The following FNDC3B variants were observed in gnomAD, a reference collection of about 807,000 sequenced individuals.
FNDC3B encodes fibronectin type III domain-containing protein 3B.
FNDC3B carries 12 observed loss-of-function variants against 151.5 expected under a neutral mutation model. The observed-to-expected ratio is 0.08, with a 90% confidence interval of 0.05 to 0.13. The LOEUF (loss-of-function observed/expected upper bound fraction) is 0.13, where lower values mean the gene tolerates loss of function less well. FNDC3B is among the 10% of genes least tolerant of loss of function. The pLI is 1.00. For synonymous variants in FNDC3B, 528 were observed against 549.0 expected (o/e 0.96, Z 0.54); for missense variants, 1,214 against 1,505.3 (o/e 0.81, Z 3.20).
chr3:172,084,898 C>G (rs373980568), intron 1 of FNDC3B, among the ~76,000 whole-genome samples: 1 of 152,146 alleles, frequency 6.6e-6, no homozygotes, highest in East Asian at 1.9e-4. Context: ...TTTCCCCTTA[C>G]GAGAATGTAA....
intron 3 of FNDC3B, among the ~76,000 whole-genome samples, chr3:172,215,306 C>A (rs1464312459): frequency 6.6e-6 from 1 of 152,194 alleles, no homozygotes; most frequent in Non-Finnish European, 1.5e-5. Flanking sequence ...TGTGGCCAGG[C>A]AAATGGGATG....
intron 6 of FNDC3B, among the ~76,000 whole-genome samples, chr3:172,266,341 CT>C (rs923070600): frequency 6.6e-6 from 1 of 152,012 alleles, no homozygotes; most frequent in African/African-American, 2.4e-5. Flanking sequence ...GCTGGTGCTT[CT>C]TTTTTTTCCC....
At chr3:172,382,796 C>T (rs995302279) in intron 25 of FNDC3B, among the ~76,000 whole-genome samples, 1 of 152,128 alleles carries the variant, frequency 6.6e-6, no homozygotes, top group African/African-American at 2.4e-5. Context: ...GGTGGTATTT[C>T]TGAGCCCTCT....
At chr3:172,348,619 G>A (rs1267176399) in intron 21 of FNDC3B, among the ~76,000 whole-genome samples, 1 of 152,086 alleles carries the variant, frequency 6.6e-6, no homozygotes, top group Non-Finnish European at 1.5e-5. Context: ...TTTGAGTTTT[G>A]GTGTTTCTTT....
intron 2 of FNDC3B, among the ~76,000 whole-genome samples, chr3:172,115,243 A>G (rs1255643821): frequency 6.6e-6 from 1 of 152,164 alleles, no homozygotes; most frequent in African/African-American, 2.4e-5. Context: ...TGCGTGGTAG[A>G]GGCTTGGGGC....
Position 172,397,561 on chromosome 3 carries a change from GT to G in FNDC3B, c.*92del. 1.2e-6 allele frequency: 1 copy of G among 867,268 alleles called. No individual in the cohort carries two copies. The highest frequency in any genetic ancestry group is 1.7e-6 in the Non-Finnish European group (1 of 590,232). 53.7% of individuals were successfully genotyped at this position (867,268 alleles called of 1,614,324 possible). A position where few individuals can be genotyped will look rare whatever the true frequency, so the allele number is the denominator to read the frequency against. On this transcript the variant is annotated 3_prime_UTR_variant, in exon 26 of 26. Transcript: ENST00000415807. ...ATACTCCCCTTTTTAAAGCCCTTTT[GT>G]TTTTTGATTTATATACTCTGTTTTA...
At chr3:172,140,879 C>CG (rs1721593296) in intron 3 of FNDC3B, among the ~76,000 whole-genome samples, 1 of 152,154 alleles carries the variant, frequency 6.6e-6, no homozygotes, top group Admixed American at 6.5e-5. Context: ...TACATAAGAA[C>CG]GGAATGTTAA....
At chr3:172,116,875 C>T (rs991444187) in intron 2 of FNDC3B, among the ~76,000 whole-genome samples, 2 of 152,166 alleles carry the variant, frequency 1.3e-5, no homozygotes, top group African/African-American at 4.8e-5. Context: ...TCACTCAACA[C>T]ATTTCTAAGG....
At chr3:172,111,411 A>G (rs1449984908) in intron 1 of FNDC3B, among the ~76,000 whole-genome samples, 10 of 152,202 alleles carry the variant, frequency 6.6e-5, no homozygotes, top group Non-Finnish European at 4.4e-5. Flanking sequence ...GCATGATGGT[A>G]CTATTAACAC....
chr3:172,051,710 G>C (rs977217372), intron 1 of FNDC3B, among the ~76,000 whole-genome samples: 2 of 152,068 alleles, frequency 1.3e-5, no homozygotes, highest in African/African-American at 4.8e-5. Flanking sequence ...TGTTTCCATG[G>C]TGTTCTTCAG....
At chr3:172,284,271 C>T (rs1191654611) in intron 6 of FNDC3B, among the ~76,000 whole-genome samples, 2 of 151,974 alleles carry the variant, frequency 1.3e-5, no homozygotes, top group East Asian at 1.9e-4. Context: ...AGTTTTAATG[C>T]GTTATGAAAA....
chr3:172,083,756 C>T (rs6445037), intron 1 of FNDC3B, among the ~76,000 whole-genome samples: 97,619 of 151,996 alleles, frequency 0.64, 31,499 homozygotes, highest in East Asian at 0.78. Context: ...CGTCTTCTTA[C>T]GATTTCAAGA....
intron 3 of FNDC3B, among the ~76,000 whole-genome samples, chr3:172,159,287 A>G (rs1181198194): frequency 6.6e-6 from 1 of 152,184 alleles, no homozygotes; most frequent in Non-Finnish European, 1.5e-5. Context: ...CTCAAAAAAG[A>G]AAATTATTTG....
At chr3:172,216,435 G>A (rs1374447986) in intron 3 of FNDC3B, among the ~76,000 whole-genome samples, 1 of 152,146 alleles carries the variant, frequency 6.6e-6, no homozygotes, top group African/African-American at 2.4e-5. Flanking sequence ...GGGAGGCTGA[G>A]GTGGGAGGAT....
At chr3:172,303,670 C>T (rs921230628) in intron 9 of FNDC3B, among the ~76,000 whole-genome samples, 1 of 152,048 alleles carries the variant, frequency 6.6e-6, no homozygotes, top group Non-Finnish European at 1.5e-5. Flanking sequence ...TGACCGTACT[C>T]TACAGATACT....
intron 22 of FNDC3B, among the ~76,000 whole-genome samples, chr3:172,360,453 TTTTA>T (rs1333775329): frequency 6.6e-6 from 1 of 152,224 alleles, no homozygotes; most frequent in Non-Finnish European, 1.5e-5. Context: ...AAATCCAGTT[TTTTA>T]TTTTTTTCTT....
In FNDC3B at chr3:172,356,004, A is replaced by T. The variant is rs1734078203; in HGVS notation, c.2795+2921A>T. ...CTTATTATATGCCTGACTCAGACTG[A>T]GCTGGCAGGCAACCAAAACTTAAAG... On this transcript the variant is annotated intron_variant, in intron 22 of 25. Transcript: ENST00000415807. Among the ~76,000 whole-genome samples, 3 of 152,188 alleles carry T rather than the reference A, an allele frequency of 2.0e-5. No homozygotes were observed. In the South Asian group the frequency reaches 6.2e-4, roughly 31 times the overall value.
chr3:172,107,692 AC>A (rs1719727667), intron 1 of FNDC3B, among the ~76,000 whole-genome samples: 1 of 152,144 alleles, frequency 6.6e-6, no homozygotes, highest in South Asian at 2.1e-4. Flanking sequence ...AGCTACCTTC[AC>A]AGCTGATGAT....
chr3:172,193,996 G>A (rs926759440), intron 3 of FNDC3B, among the ~76,000 whole-genome samples: 8 of 152,028 alleles, frequency 5.3e-5, no homozygotes, highest in Admixed American at 1.3e-4. Context: ...TGAGGCGGGC[G>A]GATCACAAGG....
Sources: gnomAD v4.1 joint callset for allele counts (sites outside exome capture counted in the v4.1 genomes callset) on GRCh38, gnomAD v4.1.1 for gene constraint, MANE v1.5 for transcripts, NCBI Gene and HGNC (gene_info 2026-07-23, HGNC 2026-07-21) for gene names.